The following ZNF654 variants were observed in gnomAD, a reference collection of about 807,000 sequenced individuals.
The protein encoded by ZNF654 is zinc finger protein 654, also known as melanoma-associated antigen.
Under a neutral mutation model 95.3 loss-of-function variants are expected in ZNF654, and 19 were observed. The ratio of observed to expected loss-of-function variants is 0.20; its 90% CI spans 0.14 to 0.29. The LOEUF is 0.29. Ranked by LOEUF, ZNF654 falls within the 10% of genes least tolerant of loss-of-function variation. The pLI, the probability that ZNF654 is intolerant of heterozygous loss-of-function variation, is 1.00. For synonymous variants in ZNF654, 413 were observed against 457.9 expected (o/e 0.90, Z 1.25); for missense variants, 1,046 against 1,341.0 (o/e 0.78, Z 3.44).
At chr3:88,064,784 G>C (rs547670125) in intron 1 of ZNF654, among the ~76,000 whole-genome samples, 10 of 152,296 alleles carry the variant, frequency 6.6e-5, no homozygotes, top group Admixed American at 6.5e-4. Context: ...TTTTAGTGGA[G>C]TTTTCAAGTA....
chr3:88,080,986 CGTT>C (rs906089984), intron 1 of ZNF654, among the ~76,000 whole-genome samples: 19 of 152,216 alleles, frequency 1.2e-4, no homozygotes, highest in African/African-American at 4.6e-4. Context: ...CGTGATCTCA[CGTT>C]GTATTTAGTT....
chr3:88,099,453 C>T (rs1009305791), intron 2 of ZNF654, among the ~76,000 whole-genome samples: 20 of 152,178 alleles, frequency 1.3e-4, no homozygotes, highest in African/African-American at 4.8e-4. Flanking sequence ...CAATGCCTTT[C>T]TTCACAGAAT....
rs202161642 is a variant in ZNF654, at chr3:88,139,609, G to A, written c.1940G>A (p.Ser647Asn). 2.0e-4 allele frequency: 318 copies of A among 1,613,716 alleles called. 3 individuals carry two copies. The South Asian group carries it at 3.3e-3, about 17-fold the overall frequency. ...GAAGTGGAGACACTTACTGCTTCTAGTGAAGGAAACAAAGAAGTCATCCCT... is the reference window on the plus strand; with the variant it reads ...GAAGTGGAGACACTTACTGCTTCTAATGAAGGAAACAAAGAAGTCATCCCT... ...DLEVETLTAS[S>N]EGNKEVIPEH... Residue 647 changes from serine to asparagine, a missense_variant, in exon 8 of 9, where the codon AGT (serine) becomes AAT (asparagine). This residue lies in a region of ZNF654 where 495 missense variants were observed against 537.0 expected (regional missense o/e 0.92). Transcript: ENST00000636215.
intron 1 of ZNF654, among the ~76,000 whole-genome samples, chr3:88,085,619 C>A (rs941870474): frequency 1.2e-4 from 19 of 152,080 alleles, no homozygotes; most frequent in African/African-American, 4.6e-4. Flanking sequence ...TAAATTACCC[C>A]AATTTGGCTT....
chr3:88,112,722 A>G (rs544154708), intron 2 of ZNF654, among the ~76,000 whole-genome samples: 1 of 152,068 alleles, frequency 6.6e-6, no homozygotes, highest in African/African-American at 2.4e-5. Context: ...CCTGAAAAAA[A>G]TGAGATTTTG....
intron 3 of ZNF654, among the ~76,000 whole-genome samples, chr3:88,114,605 C>T (rs1260355583): frequency 6.6e-6 from 1 of 152,156 alleles, no homozygotes; most frequent in Non-Finnish European, 1.5e-5. Context: ...AAAATCTCTG[C>T]CATTTCTGCC....
Position 88,141,055 on chromosome 3 carries a change from C to A in ZNF654, c.3379+7C>A. 1 of 1,579,096 alleles carries A rather than the reference C, an allele frequency of 6.3e-7. No homozygotes were observed. Among genetic ancestry groups the A allele is most frequent in the South Asian group, 1.2e-5 (1 of 83,712 alleles). On this transcript the variant is annotated splice_region_variant and intron_variant, in intron 8 of 8. Transcript: ENST00000636215. ...TTTGATTCAGATGATGAAAGTAAGT[C>A]TTCTGTCTTCTTAGTAGAGGTATCT...
intron 3 of ZNF654, among the ~76,000 whole-genome samples, chr3:88,125,490 A>G (rs1706044151): frequency 8.5e-6 from 1 of 117,248 alleles, no homozygotes; most frequent in Non-Finnish European, 1.8e-5. Flanking sequence ...CAACTTAACA[A>G]TACATCTTTA....
intron 2 of ZNF654, among the ~76,000 whole-genome samples, chr3:88,110,703 G>A (rs780765231): frequency 1.6e-4 from 25 of 152,044 alleles, no homozygotes; most frequent in Non-Finnish European, 3.2e-4. Flanking sequence ...AGCTATACAA[G>A]TTGATCTGTA....
Position 88,102,417 on chromosome 3 carries a change from T to C in ZNF654, c.333-10698T>C, listed in dbSNP as rs564413311. 4.6e-5 allele frequency among the ~76,000 whole-genome samples: 7 copies of C among 152,318 alleles called. No individual in the cohort carries two copies. In the East Asian group the frequency reaches 1.2e-3, roughly 25 times the overall value. On this transcript the variant is annotated intron_variant, in intron 2 of 8. Coordinates refer to ENST00000636215, the MANE Select transcript of ZNF654 (RefSeq NM_001350134.2). ...CCTTTATTTTCCCATTATACTGTTA[T>C]CTTCTATAATGTCAAATTTGCTGTT...
At position 88,141,644 on chromosome 3, in the gene ZNF654, G is replaced by T; in HGVS notation, c.3380-1G>T. The T allele has an allele frequency of 6.6e-7, 1 of 1,508,318 alleles. No homozygotes were observed. Among genetic ancestry groups the T allele is most frequent in the Non-Finnish European group, 9.0e-7 (1 of 1,115,118 alleles). 93.4% of individuals were successfully genotyped at this position (1,508,318 alleles called of 1,614,324 possible). On this transcript the variant is annotated splice_acceptor_variant, in intron 8 of 8. Transcript: ENST00000636215. LOFTEE classifies it high-confidence loss of function. Reference sequence around the variant, plus strand: ...ATTAACAGATGTGTTCTGTTTTACAGGTGCCTGATGAAAACGGTTCAGAAA... The same window carrying T: ...ATTAACAGATGTGTTCTGTTTTACATGTGCCTGATGAAAACGGTTCAGAAA...
chr3:88,132,109 CTGTGTTCAAGCCATTCAATAT>C (rs1210456419), intron 6 of ZNF654, among the ~76,000 whole-genome samples: 10 of 152,018 alleles, frequency 6.6e-5, no homozygotes, highest in Non-Finnish European at 1.3e-4. Flanking sequence ...GGAAATAATA[CTGTGTTCAAGCCATTCAATAT>C]TGTGTTCAAG....
At chr3:88,113,653 CAA>C (rs1476459604) in intron 3 of ZNF654, among the ~76,000 whole-genome samples, 4 of 152,162 alleles carry the variant, frequency 2.6e-5, no homozygotes, top group South Asian at 4.1e-4. Context: ...ATGGGAATGA[CAA>C]AAGAGTCAAG....
intron 2 of ZNF654, among the ~76,000 whole-genome samples, chr3:88,097,923 C>A (rs925953355): frequency 2.0e-5 from 3 of 152,092 alleles, no homozygotes; most frequent in Non-Finnish European, 4.4e-5. Context: ...ATTAAAAGTA[C>A]TAGAGAAGCA....
At chr3:88,101,564 T>C (rs1451045961) in intron 2 of ZNF654, among the ~76,000 whole-genome samples, 1 of 152,156 alleles carries the variant, frequency 6.6e-6, no homozygotes. Flanking sequence ...AGTATATGGA[T>C]ATATTATATT....
At chr3:88,081,576 A>G (rs1344535643) in intron 1 of ZNF654, among the ~76,000 whole-genome samples, 1 of 152,206 alleles carries the variant, frequency 6.6e-6, no homozygotes, top group Non-Finnish European at 1.5e-5. Context: ...ACTTACATAT[A>G]TTTAATTTAT....
intron 2 of ZNF654, among the ~76,000 whole-genome samples, chr3:88,107,653 C>T (rs1187254372): frequency 6.6e-6 from 1 of 152,046 alleles, no homozygotes; most frequent in East Asian, 1.9e-4. Context: ...ACTCTTGCTT[C>T]TTGTGTTTTC....
chr3:88,120,759 A>G (rs1705718932), intron 3 of ZNF654, among the ~76,000 whole-genome samples: 1 of 152,188 alleles, frequency 6.6e-6, no homozygotes, highest in Admixed American at 6.5e-5. Context: ...ACATTTAAAA[A>G]GGATGAAACT....
chr3:88,104,403 T>C (rs1158987393), intron 2 of ZNF654, among the ~76,000 whole-genome samples: 11 of 152,226 alleles, frequency 7.2e-5, no homozygotes, highest in Non-Finnish European at 1.0e-4. Context: ...AGCTTTGCTC[T>C]TGTAGCAAGA....
Sources: gnomAD v4.1 joint callset for allele counts (sites outside exome capture counted in the v4.1 genomes callset) on GRCh38, gnomAD v4.1.1 for gene constraint, gnomAD v4.1.1 regional missense constraint, MANE v1.5 for transcripts, NCBI Gene and HGNC (gene_info 2026-07-23, HGNC 2026-07-21) for gene names.